The following ATP1A4 variants were observed in gnomAD, a reference collection of about 807,000 sequenced individuals.
The protein encoded by ATP1A4 is sodium/potassium-transporting ATPase subunit alpha-4.
Under a neutral mutation model 114.3 loss-of-function variants are expected in ATP1A4, and 90 were observed. The observed-to-expected ratio is 0.79, with a 90% confidence interval of 0.66 to 0.94. The LOEUF is 0.94. ATP1A4 is among the 40% of genes least tolerant of loss of function. ATP1A4 has a pLI of 0.00. For missense variants in ATP1A4, 1,222 were observed against 1,313.6 expected (o/e 0.93, Z 1.08); for synonymous variants, 511 against 494.1 (o/e 1.03, Z -0.45).
At chr1:160,170,795 GGC>G (rs1412748541) in intron 10 of ATP1A4, 1 of 153,766 alleles carries the variant, frequency 6.5e-6, no homozygotes, top group Non-Finnish European at 1.4e-5. Context: ...ATGCTGGCCA[GGC>G]TAGTCTTGAA....
intron 6 of ATP1A4, among the ~76,000 whole-genome samples, chr1:160,161,459 C>T (rs1652860301): frequency 6.6e-6 from 1 of 152,142 alleles, no homozygotes; most frequent in African/African-American, 2.4e-5. Flanking sequence ...CCTTCTCAGC[C>T]TTCCCTGAGG....
intron 18 of ATP1A4, among the ~76,000 whole-genome samples, chr1:160,179,425 G>C (rs75222223): frequency 0.018 from 2,684 of 152,294 alleles, 82 homozygotes; most frequent in African/African-American, 0.061. Flanking sequence ...GAGGTAAAAA[G>C]TTAAGAATTC....
At chr1:160,158,853 T>G in intron 4 of ATP1A4, 149 bp from the exon 5 acceptor site, 1 of 824,034 alleles carries the variant, frequency 1.2e-6, no homozygotes. Context: ...ATTTGCAATC[T>G]GCCAAAGACA....
chr1:160,175,698 G>T (rs1353790883), intron 15 of ATP1A4, among the ~76,000 whole-genome samples: 1 of 152,056 alleles, frequency 6.6e-6, no homozygotes, highest in South Asian at 2.1e-4. Flanking sequence ...GGAGGTGAGG[G>T]TGCCCAAGGT....
chr1:160,155,446 A>G (rs974134884), intron 3 of ATP1A4, among the ~76,000 whole-genome samples, 198 bp downstream of exon 3: 3 of 152,134 alleles, frequency 2.0e-5, no homozygotes, highest in African/African-American at 7.2e-5. Context: ...TTGATTAATT[A>G]CATTGTAATG....
chr1:160,166,808 A>T, intron 8 of ATP1A4, 82 bp downstream of exon 8: 1 of 1,580,362 alleles, frequency 6.3e-7, no homozygotes, highest in South Asian at 1.1e-5. Context: ...GTGAGTCCAG[A>T]CAGACAGGAG....
Position 160,151,840 on chromosome 1 carries a change from CCT to C in ATP1A4, c.-195_-194del, listed in dbSNP as rs911693292. The C allele has an allele frequency of 3.9e-5, 22 of 560,790 alleles. No homozygotes were observed. The highest frequency in any genetic ancestry group is 6.2e-5 in the Non-Finnish European group (20 of 323,164). 34.7% of individuals were successfully genotyped at this position (560,790 alleles called of 1,614,324 possible). A position where few individuals can be genotyped will look rare whatever the true frequency, so the allele number is the denominator to read the frequency against. ...ACGGCTGGAGGACCGCTCAGTCTCT[CCT>C]CTCTCACTTCCCTTCCTCTCTCTCA... On this transcript the variant is annotated 5_prime_UTR_variant, in exon 1 of 22. Coordinates refer to ENST00000368081, the MANE Select transcript of ATP1A4 (RefSeq NM_144699.4).
intron 4 of ATP1A4, among the ~76,000 whole-genome samples, chr1:160,157,501 TG>T (rs1652712310): frequency 6.6e-6 from 1 of 152,230 alleles, no homozygotes; most frequent in African/African-American, 2.4e-5. Context: ...CCAAAGATAA[TG>T]CGTTAAAGGA....
chr1:160,152,054 G>A lies in ATP1A4; in HGVS notation c.14G>A (p.Gly5Glu), dbSNP rs1394456945. ...CTGGGGATAGCTATGGGGCTTTGGG[G>A]GAAGAAAGGGACAGTGGCTCCCCAT... The part of the protein sequence containing the change: MGLW[G>E]KKGTVAPHDQ... The change falls in exon 1 of 22, where the codon GGG (glycine) becomes GAG (glutamate). Residue 5 changes from glycine (G) to glutamate (E), a missense_variant. By Grantham distance (98) the Gly-to-Glu change is moderately conservative. Transcript: ENST00000368081. 2 of 1,613,450 alleles carry A rather than the reference G, an allele frequency of 1.2e-6. No individual in the cohort carries two copies. The highest frequency in any genetic ancestry group is 1.7e-6 in the Non-Finnish European group (2 of 1,179,780).
chr1:160,174,785 C>A (rs1159104966), intron 15 of ATP1A4, 38 bp downstream of exon 15: 1 of 1,612,060 alleles, frequency 6.2e-7, no homozygotes, highest in Admixed American at 1.7e-5. Context: ...GACTTCAACC[C>A]TGGACTCAGG....
chr1:160,166,198 G>A (rs1365428537), intron 7 of ATP1A4, among the ~76,000 whole-genome samples: 1 of 152,116 alleles, frequency 6.6e-6, no homozygotes, highest in Non-Finnish European at 1.5e-5. Context: ...TTAACCTGGG[G>A]GATGGAGGTT....
intron 18 of ATP1A4, among the ~76,000 whole-genome samples, chr1:160,178,477 C>A (rs564046364): frequency 2.6e-5 from 4 of 151,878 alleles, no homozygotes; most frequent in African/African-American, 9.7e-5. Flanking sequence ...GAGATCAAGA[C>A]CATCCTGGCC....
chr1:160,171,308 G>A lies in ATP1A4; in HGVS notation c.1549G>A (p.Ala517Thr). 1 of 1,614,100 alleles carries A rather than the reference G, an allele frequency of 6.2e-7. No individual in the cohort carries two copies. Among genetic ancestry groups the A allele is most frequent in the African/African-American group, 1.3e-5 (1 of 75,028 alleles). ...SQTHVLMMKG[A>T]PERILEFCST... ...GACCCACGTACTGATGATGAAGGGT[G>A]CTCCGGAGAGGATCTTGGAGTTTTG... Residue 517 changes from alanine to threonine, a missense_variant, in exon 11 of 22, where the codon GCT becomes ACT. Physicochemically the swap from Ala to Thr is moderately conservative, Grantham distance 58. Coordinates refer to ENST00000368081, the MANE Select transcript of ATP1A4 (RefSeq NM_144699.4).
rs1452129278 is a variant in ATP1A4, at chr1:160,173,583, G to A, written c.1857G>A (p.Val619=). The change falls in exon 13 of 22, where the codon GTG becomes GTA. Residue 619 remains valine, a splice_region_variant and synonymous_variant. Transcript: ENST00000368081. ...CTTCCCTCTCCTTCCCAACCCAGGT[G>A]ATCATGGTAACAGGAGATCATCCCA... ...VSKCRSAGIK[V]IMVTGDHPIT... is the part of the protein sequence containing the mutation. The A allele has an allele frequency of 1.2e-6, 2 of 1,613,442 alleles. No individual in the cohort carries two copies. Among genetic ancestry groups the A allele is most frequent in the Admixed American group, 1.7e-5 (1 of 60,016 alleles).
intron 19 of ATP1A4, 40 bp downstream of exon 19, chr1:160,181,854 C>G (rs1298749977): frequency 6.2e-7 from 1 of 1,613,846 alleles, no homozygotes; most frequent in African/African-American, 1.3e-5. Flanking sequence ...CTCCCAAGCC[C>G]CACACACCAG....
Position 160,152,144 on chromosome 1 carries a change from A to T in ATP1A4, c.104A>T (p.Lys35Ile), listed in dbSNP as rs779788781. 1.2e-6 allele frequency: 2 copies of T among 1,614,032 alleles called. No homozygotes were observed. The highest frequency in any genetic ancestry group is 2.2e-5 in the South Asian group (2 of 91,084). ...AAGAAAAAAATGGTGAAGAGGGAAAAACAGAAGCGCAATATGGAGGAACTG... is the reference window on the plus strand; with the variant it reads ...AAGAAAAAAATGGTGAAGAGGGAAATACAGAAGCGCAATATGGAGGAACTG... ...LIKKKMVKRE[K>I]QKRNMEELKK... is the part of the protein sequence containing the mutation. The change falls in exon 1 of 22, where the codon AAA becomes ATA. Residue 35 changes from lysine to isoleucine, a missense_variant. By Grantham distance (102) the Lys-to-Ile change is moderately radical. Transcript: ENST00000368081.
chr1:160,164,917 C>T (rs1013848825), intron 7 of ATP1A4, among the ~76,000 whole-genome samples: 10 of 152,202 alleles, frequency 6.6e-5, no homozygotes, highest in Non-Finnish European at 1.5e-4. Flanking sequence ...TGTTGTCTTG[C>T]TCTATTTACA....
intron 18 of ATP1A4, among the ~76,000 whole-genome samples, chr1:160,179,668 T>G (rs1048823636): frequency 6.6e-6 from 1 of 152,236 alleles, no homozygotes; most frequent in African/African-American, 2.4e-5. Context: ...CACTCATTTG[T>G]TCATTCAGAC....
Position 160,176,190 on chromosome 1 carries a change from A to G in ATP1A4, c.2410A>G (p.Ile804Val). 1.2e-6 allele frequency: 2 copies of G among 1,614,078 alleles called. No individual in the cohort carries two copies. Among genetic ancestry groups the G allele is most frequent in the Non-Finnish European group, 1.7e-6 (2 of 1,180,002 alleles). ...CTTCCTGATGTTCATCATCCTCGGT[A>G]TACCCCTGCCTCTGGGAACCATAAC... ...TPFLMFIILG[I>V]PLPLGTITIL... Residue 804 changes from isoleucine to valine, a missense_variant, in exon 16 of 22, where the codon ATA becomes GTA. Physicochemically the swap from Ile to Val is conservative, Grantham distance 29. Coordinates refer to ENST00000368081, the MANE Select transcript of ATP1A4 (RefSeq NM_144699.4).
Sources: allele counts gnomAD v4.1 joint callset (sites outside exome capture counted in the v4.1 genomes callset), GRCh38; gene constraint gnomAD v4.1.1; transcripts MANE v1.5; gene names NCBI Gene and HGNC (gene_info 2026-07-23, HGNC 2026-07-21).